The following HS3ST5 variants were observed in gnomAD, a reference collection of about 807,000 sequenced individuals.
HS3ST5 encodes the protein heparan sulfate-glucosamine 3-sulfotransferase 5, also known as heparan sulfate glucosamine 3-O-sulfotransferase 5.
In HS3ST5, 10 loss-of-function variants were observed where a neutral mutation model predicts 25.4. That is an observed-to-expected ratio of 0.39 (90% CI 0.24 to 0.67). The LOEUF (loss-of-function observed/expected upper bound fraction) is 0.67. Ranked by LOEUF, HS3ST5 falls within the 30% of genes least tolerant of loss-of-function variation. HS3ST5 has a pLI of 0.44. For synonymous variants in HS3ST5, 170 were observed against 162.4 expected (o/e 1.05, Z -0.36); for missense variants, 324 against 420.7 (o/e 0.77, Z 2.01).
At chr6:114,075,768 T>G (rs1289676887) in intron 3 of HS3ST5, among the ~76,000 whole-genome samples, 1 of 152,156 alleles carries the variant, frequency 6.6e-6, no homozygotes, top group Non-Finnish European at 1.5e-5. Context: ...CTGTCTTAAC[T>G]CCATCACACA....
intron 3 of HS3ST5, among the ~76,000 whole-genome samples, chr6:114,105,392 G>A (rs1349467084): frequency 6.6e-6 from 1 of 152,136 alleles, no homozygotes; most frequent in African/African-American, 2.4e-5. Context: ...TAAGGAGCAA[G>A]TAATTAGTTA....
At chr6:114,151,069 A>G (rs2114960135) in intron 3 of HS3ST5, among the ~76,000 whole-genome samples, 1 of 152,346 alleles carries the variant, frequency 6.6e-6, no homozygotes, top group Non-Finnish European at 1.5e-5. Context: ...AAGTCATTCA[A>G]AAGATGGCTG....
At chr6:114,328,530 C>T (rs1009573340) in intron 1 of HS3ST5, among the ~76,000 whole-genome samples, 1 of 152,216 alleles carries the variant, frequency 6.6e-6, no homozygotes, top group African/African-American at 2.4e-5. Context: ...TTTACAGCTA[C>T]TGTCTTTCTT....
At chr6:114,340,059 G>A (rs1224560513) in intron 1 of HS3ST5, among the ~76,000 whole-genome samples, 1 of 152,168 alleles carries the variant, frequency 6.6e-6, no homozygotes, top group Non-Finnish European at 1.5e-5. Flanking sequence ...CTTTTTGAAT[G>A]AGTGAAAATT....
At chr6:114,201,373 G>A (rs1271497281) in intron 2 of HS3ST5, among the ~76,000 whole-genome samples, 1 of 152,136 alleles carries the variant, frequency 6.6e-6, no homozygotes, top group African/African-American at 2.4e-5. Flanking sequence ...TCAGGAGTGG[G>A]AAATCATAAT....
intron 2 of HS3ST5, among the ~76,000 whole-genome samples, chr6:114,207,713 A>G (rs908851669): frequency 6.6e-6 from 1 of 152,078 alleles, no homozygotes; most frequent in African/African-American, 2.4e-5. Context: ...ATGAAAAAAA[A>G]TCTTGGTGAT....
intron 1 of HS3ST5, among the ~76,000 whole-genome samples, chr6:114,234,201 G>T (rs142539959): frequency 2.2e-4 from 33 of 152,160 alleles, no homozygotes; most frequent in Admixed American, 2.1e-3. Flanking sequence ...CTAAGGCATA[G>T]TTATACAAGA....
At chr6:114,098,075 G>A (rs1775539324) in intron 3 of HS3ST5, among the ~76,000 whole-genome samples, 1 of 151,946 alleles carries the variant, frequency 6.6e-6, no homozygotes, top group African/African-American at 2.4e-5. Flanking sequence ...GAAAGGCTGG[G>A]AATTAAATGG....
chr6:114,161,658 C>G (rs1371852047), intron 3 of HS3ST5, among the ~76,000 whole-genome samples: 4 of 144,252 alleles, frequency 2.8e-5, no homozygotes, highest in Non-Finnish European at 4.5e-5. Context: ...TAAGTATAAG[C>G]AATCAAAAAT....
At chr6:114,102,773 T>A (rs563221121) in intron 3 of HS3ST5, among the ~76,000 whole-genome samples, 3 of 152,202 alleles carry the variant, frequency 2.0e-5, no homozygotes, top group African/African-American at 7.2e-5. Context: ...GTGTAAAAAG[T>A]TTAAAATCTG....
chr6:114,293,390 A>G (rs1582793625), intron 1 of HS3ST5, among the ~76,000 whole-genome samples: 1 of 152,310 alleles, frequency 6.6e-6, no homozygotes, highest in East Asian at 1.9e-4. Flanking sequence ...CTAAACAACT[A>G]AGGAGGTTGA....
At chr6:114,252,170 C>G (rs756398576) in intron 1 of HS3ST5, among the ~76,000 whole-genome samples, 3 of 151,614 alleles carry the variant, frequency 2.0e-5, no homozygotes, top group African/African-American at 4.8e-5. Context: ...AAAAAAAATC[C>G]ATTAGTACTC....
chr6:114,109,530 T>G (rs753824455), intron 3 of HS3ST5, among the ~76,000 whole-genome samples: 5 of 152,174 alleles, frequency 3.3e-5, no homozygotes, highest in Non-Finnish European at 2.9e-5. Flanking sequence ...TAACAGATAC[T>G]TGGTGTTCAT....
At chr6:114,217,547 GAAC>G (rs919496099) in intron 2 of HS3ST5, among the ~76,000 whole-genome samples, 10 of 152,272 alleles carry the variant, frequency 6.6e-5, no homozygotes, top group Admixed American at 3.3e-4. Flanking sequence ...TTCCGTTTTG[GAAC>G]AACAAGAGAG....
chr6:114,306,256 TACACACAC>T (rs1554226914), intron 1 of HS3ST5, among the ~76,000 whole-genome samples: 146 of 115,404 alleles, frequency 1.3e-3, no homozygotes, highest in African/African-American at 4.3e-3. Context: ...TATATATATA[TACACACAC>T]ACACACACAC....
intron 3 of HS3ST5, among the ~76,000 whole-genome samples, chr6:114,126,317 C>T (rs1442387903): frequency 1.3e-5 from 2 of 152,104 alleles, no homozygotes; most frequent in South Asian, 2.1e-4. Flanking sequence ...CACTTATACA[C>T]GAAGTCCAAC....
chr6:114,161,464 T>C (rs1778941899), intron 3 of HS3ST5, among the ~76,000 whole-genome samples: 1 of 135,614 alleles, frequency 7.4e-6, no homozygotes, highest in Admixed American at 8.2e-5. Context: ...ATGTTTTACC[T>C]GATGCATTAA....
intron 3 of HS3ST5, among the ~76,000 whole-genome samples, chr6:114,165,276 A>G (rs919637011): frequency 2.0e-5 from 3 of 152,178 alleles, no homozygotes; most frequent in Admixed American, 2.0e-4. Context: ...ATGTAAGGGT[A>G]ACTGCCACTT....
At position 114,132,585 on chromosome 6, in the gene HS3ST5, A is replaced by G. The variant is rs570984133; in HGVS notation, c.-33+35766T>C. ...CTATAATCTAAGAGCAACAGCAAACAGAACAGCGTTATGGCCTGAAGTGAT... is the reference window on the plus strand; with the variant it reads ...CTATAATCTAAGAGCAACAGCAAACGGAACAGCGTTATGGCCTGAAGTGAT... On this transcript the variant is annotated intron_variant, in intron 3 of 4. Transcript: ENST00000312719. Among the ~76,000 whole-genome samples, 4 of 152,356 alleles carry G rather than the reference A, an allele frequency of 2.6e-5. No homozygotes were observed. In the South Asian group the frequency reaches 8.3e-4, roughly 32 times the overall value.
Sources: allele counts gnomAD v4.1 joint callset (sites outside exome capture counted in the v4.1 genomes callset), GRCh38; gene constraint gnomAD v4.1.1; transcripts MANE v1.5; gene names NCBI Gene and HGNC (gene_info 2026-07-23, HGNC 2026-07-21).